Variants in LPAR1 observed in about 807,000 individuals in gnomAD.
LPAR1 encodes lysophosphatidic acid receptor 1.
LPAR1 carries 5 observed loss-of-function variants against 23.8 expected under a neutral mutation model. The ratio of observed to expected loss-of-function variants is 0.21; its 90% CI spans 0.11 to 0.44. The LOEUF is 0.44. LPAR1 is among the 20% of genes least tolerant of loss of function. LPAR1 has a pLI of 0.99. For missense variants in LPAR1, 311 were observed against 482.8 expected (o/e 0.64, Z 3.33); for synonymous variants, 160 against 164.7 (o/e 0.97, Z 0.22).
chr9:110,956,399 A>T (rs1588524706), intron 4 of LPAR1, among the ~76,000 whole-genome samples: 1 of 151,214 alleles, frequency 6.6e-6, no homozygotes, highest in South Asian at 2.1e-4. Context: ...ATAATAATAA[A>T]AATACTATGT....
intron 5 of LPAR1, among the ~76,000 whole-genome samples, chr9:110,915,984 G>A (rs1564454845): frequency 6.7e-6 from 1 of 148,736 alleles, no homozygotes. Context: ...AAACAAACAG[G>A]TAAGTATACA....
chr9:110,890,489 CCA>C (rs2083781296), intron 5 of LPAR1, among the ~76,000 whole-genome samples: 1 of 152,100 alleles, frequency 6.6e-6, no homozygotes, highest in Admixed American at 6.6e-5. Context: ...AATCTCCCCC[CCA>C]CAAAACTACA....
intron 2 of LPAR1, among the ~76,000 whole-genome samples, chr9:110,995,880 G>A (rs1208175995): frequency 6.6e-6 from 1 of 152,110 alleles, no homozygotes; most frequent in Non-Finnish European, 1.5e-5. Flanking sequence ...GTTATGAAAG[G>A]GTTTAAAATA....
At chr9:111,036,672 G>A (rs2097902379) in intron 1 of LPAR1, among the ~76,000 whole-genome samples, 2 of 152,170 alleles carry the variant, frequency 1.3e-5, no homozygotes, top group Non-Finnish European at 2.9e-5. Context: ...GGGACGTGGT[G>A]TACCTTGCGG....
chr9:110,985,497 C>T (rs1055680783), intron 2 of LPAR1, among the ~76,000 whole-genome samples: 1 of 152,094 alleles, frequency 6.6e-6, no homozygotes, highest in African/African-American at 2.4e-5. Context: ...CGCACACTGA[C>T]TGCAGAGAGA....
intron 2 of LPAR1, among the ~76,000 whole-genome samples, chr9:110,990,490 T>C (rs1235075903): frequency 1.3e-5 from 2 of 152,116 alleles, no homozygotes; most frequent in Admixed American, 6.5e-5. Context: ...ATATACCTTA[T>C]AAATCAAAGA....
intron 2 of LPAR1, among the ~76,000 whole-genome samples, chr9:111,013,036 T>G (rs147747761): frequency 0.024 from 3,650 of 152,242 alleles, 70 homozygotes; most frequent in South Asian, 0.066. Context: ...AAACTCGTCA[T>G]GAAAATCGCT....
At chr9:110,983,328 C>G (rs1189490802) in intron 2 of LPAR1, among the ~76,000 whole-genome samples, 1 of 152,024 alleles carries the variant, frequency 6.6e-6, no homozygotes, top group African/African-American at 2.4e-5. Context: ...TATCATCCAG[C>G]CTTCAAAAGG....
At chr9:110,942,275 A>G in intron 4 of LPAR1, 107 bp from the exon 5 acceptor site, 2 of 959,488 alleles carry the variant, frequency 2.1e-6, no homozygotes, top group Non-Finnish European at 3.1e-6. Flanking sequence ...GAAAAACAAA[A>G]GCAAATAATT....
intron 5 of LPAR1, among the ~76,000 whole-genome samples, chr9:110,890,984 T>C (rs1259541700): frequency 1.3e-5 from 2 of 152,212 alleles, no homozygotes; most frequent in Non-Finnish European, 2.9e-5. Context: ...AGAAATCTTA[T>C]TTAACAACGA....
At chr9:110,960,963 C>T (rs954944929) in intron 4 of LPAR1, among the ~76,000 whole-genome samples, 2 of 152,092 alleles carry the variant, frequency 1.3e-5, no homozygotes, top group Non-Finnish European at 2.9e-5. Context: ...TGCTGAAAGG[C>T]TAATAACAAT....
intron 5 of LPAR1, among the ~76,000 whole-genome samples, chr9:110,910,443 C>T (rs1228313930): frequency 2.6e-5 from 4 of 152,238 alleles, no homozygotes; most frequent in East Asian, 3.9e-4. Flanking sequence ...TACCTAGTCG[C>T]CTAAGAGCTC....
chr9:110,933,128 G>A (rs1388259118), intron 5 of LPAR1, among the ~76,000 whole-genome samples: 1 of 152,214 alleles, frequency 6.6e-6, no homozygotes, highest in African/African-American at 2.4e-5. Context: ...AACAAGTAGG[G>A]TGTAGGCAAA....
intron 5 of LPAR1, among the ~76,000 whole-genome samples, chr9:110,907,895 G>A (rs1419143099): frequency 1.4e-5 from 2 of 146,572 alleles, no homozygotes; most frequent in African/African-American, 2.5e-5. Context: ...CATCAAAAAA[G>A]AAAGACTTAA....
intron 5 of LPAR1, among the ~76,000 whole-genome samples, chr9:110,899,617 A>T (rs913547284): frequency 1.3e-5 from 2 of 152,192 alleles, no homozygotes; most frequent in Non-Finnish European, 2.9e-5. Context: ...ATCAACTTCA[A>T]TGTGTACACG....
intron 2 of LPAR1, among the ~76,000 whole-genome samples, chr9:110,976,508 C>T (rs183615596): frequency 6.6e-6 from 1 of 151,950 alleles, no homozygotes; most frequent in Admixed American, 6.6e-5. Flanking sequence ...AAGAAATACA[C>T]CCCTCTGAAC....
chr9:111,035,162 T>G (rs2097869286), intron 2 of LPAR1, among the ~76,000 whole-genome samples: 1 of 152,182 alleles, frequency 6.6e-6, no homozygotes, highest in Non-Finnish European at 1.5e-5. Context: ...TCAATAATTG[T>G]TTGCTGAAAT....
chr9:110,990,515 A>G (rs2096874033), intron 2 of LPAR1, among the ~76,000 whole-genome samples: 1 of 152,126 alleles, frequency 6.6e-6, no homozygotes, highest in African/African-American at 2.4e-5. Context: ...AAAGGAGGTA[A>G]TTAAAAAATC....
At chr9:110,913,437 TA>T (rs2092699687) in intron 5 of LPAR1, among the ~76,000 whole-genome samples, 1 of 152,180 alleles carries the variant, frequency 6.6e-6, no homozygotes, top group Non-Finnish European at 1.5e-5. Flanking sequence ...ATAATATACA[TA>T]CACACAATTT....
Sources: gnomAD v4.1 joint callset for allele counts (sites outside exome capture counted in the v4.1 genomes callset) on GRCh38, gnomAD v4.1.1 for gene constraint, MANE v1.5 for transcripts, NCBI Gene and HGNC (gene_info 2026-07-23, HGNC 2026-07-21) for gene names.